Variants in TMEM33 observed in about 807,000 individuals in gnomAD.
TMEM33 encodes the protein transmembrane protein 33.
Under a neutral mutation model 29.7 loss-of-function variants are expected in TMEM33, and 16 were observed. That is an observed-to-expected ratio of 0.54 (90% CI 0.36 to 0.82). TMEM33 has a LOEUF of 0.82. Ranked by LOEUF, TMEM33 falls within the 40% of genes least tolerant of loss-of-function variation. The pLI, the probability that TMEM33 is intolerant of heterozygous loss-of-function variation, is 0.00. For missense variants in TMEM33, 252 were observed against 295.3 expected (o/e 0.85, Z 1.08); for synonymous variants, 112 against 109.4 (o/e 1.02, Z -0.15).
chr4:41,936,655 C>T lies in TMEM33; in HGVS notation c.45+1126C>T, dbSNP rs79603853. Among the ~76,000 whole-genome samples, 567 of 152,274 alleles carry T rather than the reference C, an allele frequency of 3.7e-3. 7 individuals are homozygous for T. The highest frequency in any genetic ancestry group is 0.013 in the African/African-American group (546 of 41,546). Reference sequence around the variant, plus strand: ...GGCTGAGGTGGGTTGTGCTTTTGCGCTCCAGCCTGGGGTGACAGAGCGAGA... The same window carrying T: ...GGCTGAGGTGGGTTGTGCTTTTGCGTTCCAGCCTGGGGTGACAGAGCGAGA... On this transcript the variant is annotated intron_variant, in intron 1 of 6. Transcript: ENST00000504986.
Position 41,955,969 on chromosome 4 carries a change from G to GT in TMEM33, c.*1777dup, listed in dbSNP as rs113248207. 0.031 allele frequency: 4,747 copies of GT among 152,326 alleles called. 126 individuals carry two copies. Among genetic ancestry groups the GT allele is most frequent in the African/African-American group, 0.065 (2,689 of 41,462 alleles). The allele number at this position is 152,326 out of a possible 1,614,324, so 9.4% of individuals were successfully genotyped here. On this transcript the variant is annotated 3_prime_UTR_variant, in exon 7 of 7. Coordinates refer to ENST00000504986, the MANE Select transcript of TMEM33 (RefSeq NM_018126.3). ...AGAAGAGTCAGAAATGTACAAGAGAGTTTTTTTGTTGTTGTTTTTGTTTTT... is the reference window on the plus strand; with the variant it reads ...AGAAGAGTCAGAAATGTACAAGAGAGTTTTTTTTGTTGTTGTTTTTGTTTTT...
chr4:41,957,868 G>GC lies in TMEM33; in HGVS notation c.*3675dup, dbSNP rs1313370024. 6.6e-6 allele frequency: 1 copy of GC among 152,000 alleles called. No homozygotes were observed. Among genetic ancestry groups the GC allele is most frequent in the Non-Finnish European group, 1.5e-5 (1 of 68,016 alleles). The allele number at this position is 152,000 out of a possible 1,614,324, so 9.4% of individuals were successfully genotyped here. On this transcript the variant is annotated 3_prime_UTR_variant, in exon 7 of 7. Coordinates refer to ENST00000504986, the MANE Select transcript of TMEM33 (RefSeq NM_018126.3). ...GTAGGTGGCACTCTTTCCTCAGGTA[G>GC]CCCCCCATTTTCACATGATGTGTTT...
At chr4:41,935,413 A>T (rs1360966171), upstream of TMEM33, 7 of 1,506,976 alleles carry the variant, frequency 4.6e-6, no homozygotes, top group Non-Finnish European at 6.3e-6. Context: ...TCCTGGCCCC[A>T]GCGCTGACGT....
At chr4:41,941,951 T>C (rs896093840) in intron 3 of TMEM33, among the ~76,000 whole-genome samples, 1 of 152,208 alleles carries the variant, frequency 6.6e-6, no homozygotes, top group Admixed American at 6.5e-5. Flanking sequence ...TTGTGAACTA[T>C]AGAATGTTAG....
chr4:41,935,603 A>G (rs1220703232), intron 1 of TMEM33, 74 bp downstream of exon 1: 1 of 1,479,420 alleles, frequency 6.8e-7, no homozygotes, highest in Non-Finnish European at 9.3e-7. Context: ...GCGAGTCCCG[A>G]GGCGTTCCAG....
chr4:41,935,234 A>G, upstream of TMEM33: 1 of 582,710 alleles, frequency 1.7e-6, no homozygotes, highest in Admixed American at 3.1e-5. Context: ...TTCTGGAAAC[A>G]CCGCTTTGAT....
At chr4:41,947,867 G>A (rs1045518475) in intron 5 of TMEM33, among the ~76,000 whole-genome samples, 4 of 152,308 alleles carry the variant, frequency 2.6e-5, no homozygotes, top group African/African-American at 9.6e-5. Context: ...TCTTACACAT[G>A]CGTTGCACAT....
chr4:41,955,721 G>A lies in TMEM33; in HGVS notation c.*1522G>A, dbSNP rs1004785415. ...CTCATACAGTTGATTTTGTGTATGT[G>A]GCTAGTCTTATTGTCACTATGTAAG... is the stretch of plus-strand genomic sequence containing the variant. On this transcript the variant is annotated 3_prime_UTR_variant, in exon 7 of 7. Coordinates refer to ENST00000504986, the MANE Select transcript of TMEM33 (RefSeq NM_018126.3). 1 of 152,536 alleles carries A rather than the reference G, an allele frequency of 6.6e-6. No individual in the cohort carries two copies. Among genetic ancestry groups the A allele is most frequent in the African/African-American group, 2.4e-5 (1 of 41,420 alleles). The allele number at this position is 152,536 out of a possible 1,614,324, so 9.4% of individuals were successfully genotyped here.
At chr4:41,944,642 T>C (rs1274425083) in intron 4 of TMEM33, 151 bp from the exon 5 acceptor site, 5 of 888,886 alleles carry the variant, frequency 5.6e-6, no homozygotes, top group African/African-American at 3.4e-5. Context: ...ACTATATTTG[T>C]CCTTAAATAG....
rs753017641 is a variant in TMEM33 at position 41,943,805 on chromosome 4, G to T, written c.387G>T (p.Lys129Asn). ...TTCATGCTGCCACATATACGAAAAAGGTCCTTGACGTAAGTAAAACTGCTC... is the reference window on the plus strand; with the variant it reads ...TTCATGCTGCCACATATACGAAAAATGTCCTTGACGTAAGTAAAACTGCTC... ...SLLHAATYTK[K>N]VLDARGSNSL... is the part of the protein sequence containing the mutation. The change falls in exon 4 of 7, where the codon AAG becomes AAT. Residue 129 changes from lysine to asparagine, a missense_variant. By Grantham distance (94) the Lys-to-Asn change is moderately conservative (BLOSUM62 0). Coordinates refer to ENST00000504986, the MANE Select transcript of TMEM33 (RefSeq NM_018126.3). 2 of 1,613,608 alleles carry T rather than the reference G, an allele frequency of 1.2e-6. No individual in the cohort carries two copies. Among genetic ancestry groups the T allele is most frequent in the Non-Finnish European group, 1.7e-6 (2 of 1,179,824 alleles).
At chr4:41,935,859 C>T (rs982643612) in intron 1 of TMEM33, among the ~76,000 whole-genome samples, 1 of 152,180 alleles carries the variant, frequency 6.6e-6, no homozygotes, top group Non-Finnish European at 1.5e-5. Flanking sequence ...GAGATTGTGC[C>T]ATGACACACA....
intron 2 of TMEM33, 122 bp from the exon 3 acceptor site, chr4:41,939,074 T>C (rs1236761904): frequency 3.4e-6 from 3 of 873,160 alleles, no homozygotes; most frequent in African/African-American, 1.7e-5. Context: ...AATAAGTTCA[T>C]GTAATTTTTT....
At chr4:41,945,213 T>A (rs1349194196) in intron 5 of TMEM33, among the ~76,000 whole-genome samples, 1 of 152,222 alleles carries the variant, frequency 6.6e-6, no homozygotes, top group African/African-American at 2.4e-5. Context: ...TCTAGTCCAG[T>A]CTGTCACTAT....
rs1560522125 is a variant in TMEM33 at position 41,958,698 on chromosome 4, C to CTTTTTTTTTTTTT, written c.*4500_*4501insTTTTTTTTTTTTT. 3.8e-5 allele frequency: 5 copies of CTTTTTTTTTTTTT among 132,476 alleles called. No individual in the cohort carries two copies. Among genetic ancestry groups the CTTTTTTTTTTTTT allele is most frequent in the African/African-American group, 1.3e-4 (4 of 31,816 alleles). The allele number at this position is 132,476 out of a possible 1,614,324, so 8.2% of individuals were successfully genotyped here. A position where few individuals can be genotyped will look rare whatever the true frequency, so the allele number is the denominator to read the frequency against. ...TTGTAGAGACAACTAGTTTCTCTCG[C>CTTTTTTTTTTTTT]TCTTTTTTTTTTTTTTTTTTTTTTT... On this transcript the variant is annotated 3_prime_UTR_variant, in exon 7 of 7. Coordinates refer to ENST00000504986, the MANE Select transcript of TMEM33 (RefSeq NM_018126.3).
intron 1 of TMEM33, among the ~76,000 whole-genome samples, chr4:41,935,834 T>G (rs1712203861): frequency 6.6e-6 from 1 of 152,170 alleles, no homozygotes. Flanking sequence ...GGCCCCAAGG[T>G]TAAAGATGCC....
At chr4:41,940,823 A>AG (rs1712508097) in intron 3 of TMEM33, among the ~76,000 whole-genome samples, 1 of 151,636 alleles carries the variant, frequency 6.6e-6, no homozygotes, top group Non-Finnish European at 1.5e-5. Context: ...AAAAAAAAAA[A>AG]AAAAAAAGAA....
rs1402809135 is a variant in TMEM33 at position 41,957,021 on chromosome 4, A to G, written c.*2822A>G. 1 of 152,190 alleles carries G rather than the reference A, an allele frequency of 6.6e-6. No homozygotes were observed. The highest frequency in any genetic ancestry group is 1.5e-5 in the Non-Finnish European group (1 of 67,994). The allele number at this position is 152,190 out of a possible 1,614,324, so 9.4% of individuals were successfully genotyped here. A position where few individuals can be genotyped will look rare whatever the true frequency, so the allele number is the denominator to read the frequency against. On this transcript the variant is annotated 3_prime_UTR_variant, in exon 7 of 7. Transcript: ENST00000504986. ...AACTCTTTACTGCATCATTGAACTT[A>G]TTGTTAGTTACAGGTTTAAAAGAAG... is the stretch of plus-strand genomic sequence containing the variant.
At chr4:41,935,649 G>A (rs528605899) in intron 1 of TMEM33, 120 bp downstream of exon 1, 36 of 1,039,318 alleles carry the variant, frequency 3.5e-5, no homozygotes, top group South Asian at 3.4e-4. Flanking sequence ...TTAATGAGTT[G>A]GGGTGGGGAA....
chr4:41,935,174 A>C (rs937088438), upstream of TMEM33: 2 of 486,306 alleles, frequency 4.1e-6, no homozygotes, highest in Non-Finnish European at 7.4e-6. Context: ...CCGGCGGCGT[A>C]GGTTGGCTCT....
Sources: gnomAD v4.1 joint callset for allele counts (sites outside exome capture counted in the v4.1 genomes callset) on GRCh38, gnomAD v4.1.1 for gene constraint, MANE v1.5 for transcripts, NCBI Gene and HGNC (gene_info 2026-07-23, HGNC 2026-07-21) for gene names.